TMEM167A: variants seen among roughly 807,000 people sequenced by gnomAD.
The protein encoded by TMEM167A is transmembrane protein 167A.
Under a neutral mutation model 11.6 loss-of-function variants are expected in TMEM167A, and 8 were observed. That is an observed-to-expected ratio of 0.69 (90% CI 0.40 to 1.24). The LOEUF (loss-of-function observed/expected upper bound fraction) is 1.24. Among genes scored for constraint, TMEM167A ranks in the 50% most tolerant of loss-of-function variants. TMEM167A has a pLI of 0.01. For synonymous variants in TMEM167A, 22 were observed against 28.0 expected, an observed-to-expected ratio of 0.79 and a Z score of 0.67; for missense variants, 62 against 87.0, an observed-to-expected ratio of 0.71 and a Z score of 1.14.
At chr5:83,069,231 G>A (rs1252700125) in intron 1 of TMEM167A, among the ~76,000 whole-genome samples, 2 of 151,988 alleles carry the variant, frequency 1.3e-5, no homozygotes, top group Admixed American at 6.6e-5. Context: ...TCTAACTTAC[G>A]GACATTAGCC....
chr5:83,065,154 G>C (rs1355840445), intron 1 of TMEM167A, 37 bp from the exon 2 acceptor site: 1 of 1,301,636 alleles, frequency 7.7e-7, no homozygotes. Context: ...TTAATATCAA[G>C]AAAAACTGCA....
chr5:83,064,929 A>G lies in TMEM167A; in HGVS notation c.113+79T>C, dbSNP rs542646790. On this transcript the variant is annotated intron_variant, in intron 2 of 3. Transcript: ENST00000502346. ...CCAAATTACATGTAGGAATTAAATT[A>G]TCTAATAATTTATATGTTAACTTAC... The G allele has an allele frequency of 1.2e-5, 10 of 855,152 alleles. No homozygotes were observed. In the East Asian group the frequency reaches 2.4e-4, roughly 21 times the overall value. The allele number at this position is 855,152 out of a possible 1,614,324, so 53.0% of individuals were successfully genotyped here. A position where few individuals can be genotyped will look rare whatever the true frequency, so the allele number is the denominator to read the frequency against.
intron 3 of TMEM167A, among the ~76,000 whole-genome samples, chr5:83,059,827 C>T (rs1744381427): frequency 6.6e-6 from 1 of 151,924 alleles, no homozygotes; most frequent in African/African-American, 2.4e-5. Flanking sequence ...TTAGCAACAT[C>T]CCTCACCTAT....
chr5:83,067,666 G>T (rs11746747), intron 1 of TMEM167A, among the ~76,000 whole-genome samples: 1 of 151,148 alleles, frequency 6.6e-6, no homozygotes, highest in Non-Finnish European at 1.5e-5. Flanking sequence ...CACTACGCCT[G>T]GCTAAATTTT....
Position 83,065,076 on chromosome 5 carries a change from C to T in TMEM167A, c.45G>A (p.Leu15=), listed in dbSNP as rs566435588. Residue 15 remains leucine, a synonymous_variant, in exon 2 of 4, where the codon TTG becomes TTA. Coordinates refer to ENST00000502346, the MANE Select transcript of TMEM167A (RefSeq NM_174909.5). ...TATAAGCACAGGTACATATAAGCAG[C>T]AAGATTACAGTCAATAGACTCTGAA... ...FNFQSLLTVI[L]LLICTCAYIR... 8 of 1,596,330 alleles carry T rather than the reference C, an allele frequency of 5.0e-6. No individual in the cohort carries two copies. The highest frequency in any genetic ancestry group is 4.2e-5 in the African/African-American group (3 of 72,076).
chr5:83,060,443 C>T (rs999680173), intron 3 of TMEM167A, among the ~76,000 whole-genome samples: 1 of 148,372 alleles, frequency 6.7e-6, no homozygotes. Flanking sequence ...AAGAAATATT[C>T]AATTTCAGTC....
intron 2 of TMEM167A, chr5:83,064,057 C>A: frequency 6.4e-6 from 2 of 312,304 alleles, no homozygotes; most frequent in South Asian, 2.7e-5. Flanking sequence ...ATTTTCTATA[C>A]AAAATAATTC....
chr5:83,061,448 C>T (rs937875270), intron 3 of TMEM167A, among the ~76,000 whole-genome samples: 7 of 152,242 alleles, frequency 4.6e-5, no homozygotes, highest in East Asian at 1.9e-4. Flanking sequence ...CTCACTCTGT[C>T]GCCCAGGATG....
intron 1 of TMEM167A, among the ~76,000 whole-genome samples, chr5:83,074,943 T>C (rs1204751349): frequency 2.6e-5 from 4 of 152,148 alleles, no homozygotes; most frequent in Non-Finnish European, 5.9e-5. Context: ...GCTAATTTTT[T>C]ATTTTTAGTA....
chr5:83,064,128 A>T (rs907934767), intron 2 of TMEM167A: 10 of 390,592 alleles, frequency 2.6e-5, no homozygotes, highest in Non-Finnish European at 4.0e-5. Context: ...TAAAGGTTTT[A>T]AAAAAAGCTT....
chr5:83,070,837 TAGG>T (rs1744549580), intron 1 of TMEM167A, among the ~76,000 whole-genome samples: 1 of 152,076 alleles, frequency 6.6e-6, no homozygotes, highest in Non-Finnish European at 1.5e-5. Context: ...GAATTCAATA[TAGG>T]AGATTTTTAA....
At position 83,077,332 on chromosome 5, in the gene TMEM167A, C is replaced by A; in HGVS notation, c.-9G>T. ...GCCCCACTTCTTACCATAGCGAGGC[C>A]GGCGATGCCGCAGCCACATCACCCT... On this transcript the variant is annotated 5_prime_UTR_variant, in exon 1 of 4. Coordinates refer to ENST00000502346, the MANE Select transcript of TMEM167A (RefSeq NM_174909.5). 6.2e-7 allele frequency: 1 copy of A among 1,614,158 alleles called. No homozygotes were observed. The highest frequency in any genetic ancestry group is 8.5e-7 in the Non-Finnish European group (1 of 1,180,028).
chr5:83,077,042 A>C (rs913514011), intron 1 of TMEM167A, among the ~76,000 whole-genome samples: 9 of 152,240 alleles, frequency 5.9e-5, no homozygotes, highest in African/African-American at 2.2e-4. Context: ...GACCACACAT[A>C]ATCTACGTAG....
chr5:83,062,610 A>T (rs7723639), intron 2 of TMEM167A, among the ~76,000 whole-genome samples: 73,722 of 151,640 alleles, frequency 0.49, 18,571 homozygotes, highest in African/African-American at 0.59. Context: ...TATATGGAGT[A>T]ATCACTTATT....
chr5:83,063,724 C>A (rs1561302510), intron 2 of TMEM167A, among the ~76,000 whole-genome samples: 1 of 151,892 alleles, frequency 6.6e-6, no homozygotes, highest in Non-Finnish European at 1.5e-5. Flanking sequence ...CACACACGAA[C>A]CCTGTTAGTT....
chr5:83,064,127 T>C (rs1199553606), intron 2 of TMEM167A: 5 of 390,462 alleles, frequency 1.3e-5, no homozygotes, highest in Non-Finnish European at 2.5e-5. Context: ...ATAAAGGTTT[T>C]AAAAAAAGCT....
intron 1 of TMEM167A, among the ~76,000 whole-genome samples, chr5:83,068,819 TTC>T (rs1471794515): frequency 6.6e-6 from 1 of 152,204 alleles, no homozygotes; most frequent in South Asian, 2.1e-4. Flanking sequence ...TTGTAATGTG[TTC>T]TCTTTCCTTC....
intron 1 of TMEM167A, among the ~76,000 whole-genome samples, chr5:83,068,711 T>C (rs1212883023): frequency 2.0e-5 from 3 of 152,188 alleles, no homozygotes; most frequent in African/African-American, 4.8e-5. Flanking sequence ...AGAATCTTAC[T>C]GTATTTTAAG....
At chr5:83,068,520 C>T (rs958212919) in intron 1 of TMEM167A, among the ~76,000 whole-genome samples, 1 of 151,908 alleles carries the variant, frequency 6.6e-6, no homozygotes, top group Admixed American at 6.6e-5. Context: ...GTGAGTTATG[C>T]AGACAAAAAA....
Sources: gnomAD v4.1 joint callset for allele counts (sites outside exome capture counted in the v4.1 genomes callset) on GRCh38, gnomAD v4.1.1 for gene constraint, MANE v1.5 for transcripts, NCBI Gene and HGNC (gene_info 2026-07-23, HGNC 2026-07-21) for gene names.